The following ATXN2L variants were observed in gnomAD, a reference collection of about 807,000 sequenced individuals.
The protein encoded by ATXN2L is ataxin-2-like protein.
ATXN2L carries 24 observed loss-of-function variants against 120.7 expected under a neutral mutation model. That is an observed-to-expected ratio of 0.20 (90% CI 0.14 to 0.28). ATXN2L has a LOEUF of 0.28. Among genes scored for constraint, ATXN2L ranks in the 10% least tolerant of loss-of-function variants. The pLI is 1.00. For missense variants in ATXN2L, 1,312 were observed against 1,432.3 expected (o/e 0.92, Z 1.36); for synonymous variants, 653 against 568.1 (o/e 1.15, Z -2.13).
In ATXN2L at chr16:28,836,754, C is replaced by T; in HGVS notation, c.*489C>T. ...TCAATCTCATCCCTCCCAGCAGCTCCCCTTCCACCCCCCGGGGAACTGAAG... is the reference window on the plus strand; with the variant it reads ...TCAATCTCATCCCTCCCAGCAGCTCTCCTTCCACCCCCCGGGGAACTGAAG... On this transcript the variant is annotated 3_prime_UTR_variant, in exon 22 of 22. Coordinates refer to ENST00000336783, the MANE Select transcript of ATXN2L (RefSeq NM_007245.4). The T allele has an allele frequency of 6.2e-7, 1 of 1,614,050 alleles. No individual in the cohort carries two copies. Among genetic ancestry groups the T allele is most frequent in the Non-Finnish European group, 8.5e-7 (1 of 1,179,984 alleles).
chr16:28,828,863 C>G (rs1275592454), intron 6 of ATXN2L, among the ~76,000 whole-genome samples: 2 of 152,112 alleles, frequency 1.3e-5, no homozygotes, highest in Admixed American at 6.5e-5. Context: ...TCAAGCGATT[C>G]TTCTGCCTCA....
At position 28,835,556 on chromosome 16, in the gene ATXN2L, C is replaced by T. The variant is rs137943525; in HGVS notation, c.2693C>T (p.Ala898Val). 57 of 1,613,428 alleles carry T rather than the reference C, an allele frequency of 3.5e-5. No individual in the cohort carries two copies. The highest frequency in any genetic ancestry group is 4.5e-5 in the East Asian group (2 of 44,892). ...HAAPSPVQHQ[A>V]GQAPHLGSGQ... The stretch of plus-strand genomic sequence containing the variant: ...CCTTCCCCTCCCCAGCAGCATCAGG[C>T]GGGGCAGGCCCCACACTTGGGCAGT... The change falls in exon 21 of 22, where the codon GCG (alanine) becomes GTG (valine). Residue 898 changes from alanine to valine, a missense_variant. By Grantham distance (64) the Ala-to-Val change is moderately conservative. Transcript: ENST00000336783.
chr16:28,826,679 A>G lies in ATXN2L; in HGVS notation c.617-183A>G, dbSNP rs765930426. 101 of 715,852 alleles carry G rather than the reference A, an allele frequency of 1.4e-4. No homozygotes were observed. The Middle Eastern group carries it at 2.2e-3, about 16-fold the overall frequency. 44.3% of individuals were successfully genotyped at this position (715,852 alleles called of 1,614,324 possible). On this transcript the variant is annotated intron_variant, in intron 5 of 21. Coordinates refer to ENST00000336783, the MANE Select transcript of ATXN2L (RefSeq NM_007245.4). ...TTTTCTTTGGAATCATAGTACTGAT[A>G]GACTTTTTATACTCTTCTTCTCTTG...
rs1173576784 is a variant in ATXN2L, at chr16:28,823,082, G to A, written c.-178G>A. 1 of 326,766 alleles carries A rather than the reference G, an allele frequency of 3.1e-6. No individual in the cohort carries two copies. The highest frequency in any genetic ancestry group is 5.5e-6 in the Non-Finnish European group (1 of 182,542). 20.2% of individuals were successfully genotyped at this position (326,766 alleles called of 1,614,324 possible). On this transcript the variant is annotated 5_prime_UTR_variant, in exon 1 of 22. Transcript: ENST00000336783. ...ACCCCCTCCCCTTCCGCCTCGCGGC[G>A]CTTCCTCGCGCCGCGGTCTTCTCTC... is the stretch of plus-strand genomic sequence containing the variant.
intron 1 of ATXN2L, chr16:28,824,052 G>T: frequency 1.0e-6 from 1 of 984,346 alleles, no homozygotes; most frequent in Non-Finnish European, 1.2e-6. Context: ...TTCCCGGTCT[G>T]GCCAGTAGGA....
Position 28,835,707 on chromosome 16 carries a change from C to T in ATXN2L, c.2844C>T (p.Ile948=). The change falls in exon 21 of 22, where the codon ATC becomes ATT. Residue 948 remains isoleucine, a synonymous_variant. Coordinates refer to ENST00000336783, the MANE Select transcript of ATXN2L (RefSeq NM_007245.4). ...SFPQPAAVYA[I]HHQQLPHGFT... Reference sequence around the variant, plus strand: ...CCCAGCCAGCCGCTGTGTATGCCATCCACCACCAGCAGCTGCCCCACGGCT... The same window carrying T: ...CCCAGCCAGCCGCTGTGTATGCCATTCACCACCAGCAGCTGCCCCACGGCT... 1 of 1,614,104 alleles carries T rather than the reference C, an allele frequency of 6.2e-7. No individual in the cohort carries two copies. Among genetic ancestry groups the T allele is most frequent in the Non-Finnish European group, 8.5e-7 (1 of 1,179,976 alleles).
chr16:28,824,005 G>A, intron 1 of ATXN2L: 1 of 717,780 alleles, frequency 1.4e-6, no homozygotes, highest in Non-Finnish European at 1.7e-6. Flanking sequence ...TGGCCAATGG[G>A]GAGGGAGGGA....
intron 15 of ATXN2L, 131 bp downstream of exon 15, chr16:28,833,639 TA>T: frequency 1.0e-6 from 1 of 986,036 alleles, no homozygotes; most frequent in Non-Finnish European, 1.5e-6. Context: ...GGAGATGTCA[TA>T]AAAATGTAAG....
At chr16:28,826,638 T>G (rs932659661) in intron 5 of ATXN2L, 5 of 628,518 alleles carry the variant, frequency 8.0e-6, no homozygotes, top group East Asian at 2.9e-5. Flanking sequence ...TTTCTTTGCT[T>G]GGTTTTTAAC....
At chr16:28,824,142 C>T (rs1452619730) in intron 1 of ATXN2L, 3 of 1,023,462 alleles carry the variant, frequency 2.9e-6, no homozygotes, top group East Asian at 2.2e-4. Flanking sequence ...GCGCGCGCCC[C>T]CTTCCCGTAC....
chr16:28,827,597 C>T (rs553148674), intron 6 of ATXN2L, among the ~76,000 whole-genome samples: 5 of 150,040 alleles, frequency 3.3e-5, no homozygotes, highest in South Asian at 4.2e-4. Flanking sequence ...TGAGGCTGAG[C>T]GCAGTGGCTC....
chr16:28,825,113 A>T (rs1207767797), intron 1 of ATXN2L, among the ~76,000 whole-genome samples: 2 of 151,154 alleles, frequency 1.3e-5, no homozygotes, highest in Non-Finnish European at 2.9e-5. Context: ...GCCACTCGGG[A>T]GGCTGAGGCA....
chr16:28,830,806 A>G lies in ATXN2L; in HGVS notation c.1210+16A>G. On this transcript the variant is annotated intron_variant, in intron 9 of 21. Coordinates refer to ENST00000336783, the MANE Select transcript of ATXN2L (RefSeq NM_007245.4). The stretch of plus-strand genomic sequence containing the variant: ...ATCAATGGAGGTGAGTTATGAGGTG[A>G]CTTTGAGGAAGAGGGCAGGGAAGGG... The G allele has an allele frequency of 6.3e-7, 1 of 1,576,350 alleles. No homozygotes were observed. Among genetic ancestry groups the G allele is most frequent in the Non-Finnish European group, 8.6e-7 (1 of 1,162,050 alleles).
intron 6 of ATXN2L, among the ~76,000 whole-genome samples, chr16:28,828,623 C>T (rs961162203): frequency 3.3e-5 from 5 of 151,526 alleles, no homozygotes; most frequent in Non-Finnish European, 7.4e-5. Flanking sequence ...TTATTAATTA[C>T]AATTATTAGT....
At chr16:28,830,833 A>G (rs769569471) in intron 9 of ATXN2L, 43 bp downstream of exon 9, 1 of 1,555,242 alleles carries the variant, frequency 6.4e-7, no homozygotes, top group East Asian at 2.3e-5. Flanking sequence ...AGGGAAGGGG[A>G]TGCCAAGGAG....
At chr16:28,824,363 G>T in intron 1 of ATXN2L, 1 of 1,230,498 alleles carries the variant, frequency 8.1e-7, no homozygotes, top group South Asian at 1.4e-5. Context: ...TGGAGGTGGG[G>T]GTTCGGAAAG....
intron 13 of ATXN2L, 63 bp from the exon 14 acceptor site, chr16:28,832,996 G>C (rs1405384013): frequency 8.2e-6 from 13 of 1,594,022 alleles, no homozygotes; most frequent in Non-Finnish European, 1.1e-5. Flanking sequence ...AAAAAAGGAT[G>C]AAAGAAGAAA....
Position 28,823,259 on chromosome 16 carries a change from C to G in ATXN2L, c.-1C>G. On this transcript the variant is annotated 5_prime_UTR_variant, in exon 1 of 22. The change creates a new upstream start codon in the 5' untranslated region. Coordinates refer to ENST00000336783, the MANE Select transcript of ATXN2L (RefSeq NM_007245.4). ...TAATTCCCCTTCCGGACGCTGCCAT[C>G]ATGTTGAAGCCTCAGCCGCTACAAC... The G allele has an allele frequency of 6.8e-7, 1 of 1,471,414 alleles. No homozygotes were observed. The highest frequency in any genetic ancestry group is 9.0e-7 in the Non-Finnish European group (1 of 1,109,350). 91.1% of individuals were successfully genotyped at this position (1,471,414 alleles called of 1,614,324 possible). A position where few individuals can be genotyped will look rare whatever the true frequency, so the allele number is the denominator to read the frequency against.
chr16:28,831,426 C>T (rs1038619217), intron 10 of ATXN2L, among the ~76,000 whole-genome samples: 2 of 152,140 alleles, frequency 1.3e-5, no homozygotes, highest in African/African-American at 4.8e-5. Flanking sequence ...CCCTCAGATT[C>T]AAGCCATTCT....
Sources: gnomAD v4.1 joint callset for allele counts (sites outside exome capture counted in the v4.1 genomes callset) on GRCh38, gnomAD v4.1.1 for gene constraint, MANE v1.5 for transcripts, NCBI Gene and HGNC (gene_info 2026-07-23, HGNC 2026-07-21) for gene names.